The following CSMD1 variants were observed in gnomAD, a reference collection of about 807,000 sequenced individuals.
The protein encoded by CSMD1 is CUB and sushi domain-containing protein 1.
In CSMD1, 213 loss-of-function variants were observed where a neutral mutation model predicts 417.5. That is an observed-to-expected ratio of 0.51 (90% CI 0.46 to 0.57). The LOEUF is 0.57. Among genes scored for constraint, CSMD1 ranks in the 20% least tolerant of loss-of-function variants. The pLI, the probability that CSMD1 is intolerant of heterozygous loss-of-function variation, is 0.00. For synonymous variants in CSMD1, 2,862 were observed against 1,736.8 expected (o/e 1.65, Z -16.11); for missense variants, 6,923 against 4,529.7 (o/e 1.53, Z -15.17).
chr8:4,320,298 T>G (rs1397989401), intron 3 of CSMD1, among the ~76,000 whole-genome samples: 1 of 152,126 alleles, frequency 6.6e-6, no homozygotes, highest in Admixed American at 6.6e-5. Flanking sequence ...ACAAGAGTGT[T>G]CACCTTATAA....
chr8:3,855,920 G>A (rs145837981), intron 5 of CSMD1, among the ~76,000 whole-genome samples: 5 of 152,132 alleles, frequency 3.3e-5, no homozygotes, highest in Non-Finnish European at 5.9e-5. Flanking sequence ...AAATCTGTAC[G>A]GGTGAGATAA....
At chr8:4,481,649 T>C (rs1036949129) in intron 2 of CSMD1, among the ~76,000 whole-genome samples, 1 of 152,226 alleles carries the variant, frequency 6.6e-6, no homozygotes, top group Non-Finnish European at 1.5e-5. Flanking sequence ...ACCAAGAGGT[T>C]AAATACCTGA....
intron 3 of CSMD1, among the ~76,000 whole-genome samples, chr8:4,341,750 T>A (rs1394762073): frequency 6.6e-6 from 1 of 152,088 alleles, no homozygotes; most frequent in Non-Finnish European, 1.5e-5. Context: ...GCAGTTAGGG[T>A]GCATTAATAA....
intron 3 of CSMD1, among the ~76,000 whole-genome samples, chr8:4,323,346 G>A (rs1236758942): frequency 1.3e-5 from 2 of 152,136 alleles, no homozygotes; most frequent in African/African-American, 2.4e-5. Context: ...CATGAAAAGT[G>A]AGAAATATAA....
chr8:3,278,816 C>G (rs1343381954), intron 26 of CSMD1: 2 of 152,082 alleles, frequency 1.3e-5, no homozygotes, highest in Admixed American at 1.3e-4. Context: ...TGGAAAGACA[C>G]CAGCTTGATT....
At chr8:4,276,268 T>TA (rs1796480339) in intron 3 of CSMD1, among the ~76,000 whole-genome samples, 1 of 152,154 alleles carries the variant, frequency 6.6e-6, no homozygotes, top group South Asian at 2.1e-4. Flanking sequence ...ATGTGGCACA[T>TA]ATACACCACG....
chr8:3,475,585 G>C (rs965411397), intron 11 of CSMD1, among the ~76,000 whole-genome samples: 8 of 152,166 alleles, frequency 5.3e-5, no homozygotes, highest in African/African-American at 1.4e-4. Flanking sequence ...TATGAAACAA[G>C]AGAATTGTAT....
At chr8:4,884,632 A>G (rs1042104000) in intron 1 of CSMD1, among the ~76,000 whole-genome samples, 2 of 152,046 alleles carry the variant, frequency 1.3e-5, no homozygotes, top group Admixed American at 1.3e-4. Flanking sequence ...AAAGTCTATT[A>G]CTTTATTTGA....
intron 26 of CSMD1, among the ~76,000 whole-genome samples, chr8:3,236,846 A>G (rs971865438): frequency 5.3e-5 from 8 of 152,212 alleles, no homozygotes; most frequent in African/African-American, 1.9e-4. Flanking sequence ...CAACGACCCT[A>G]GAAAAAGGCA....
chr8:4,146,559 T>C (rs1804139682), intron 3 of CSMD1, among the ~76,000 whole-genome samples: 1 of 144,140 alleles, frequency 6.9e-6, no homozygotes. Context: ...GGAAGGAAGC[T>C]CCATTATTAT....
chr8:4,363,016 T>C (rs1052680434), intron 3 of CSMD1, among the ~76,000 whole-genome samples: 2 of 152,198 alleles, frequency 1.3e-5, no homozygotes, highest in African/African-American at 4.8e-5. Context: ...AGATTTTGAA[T>C]TTTCAGTATT....
At chr8:3,075,907 C>T (rs1039412602) in intron 49 of CSMD1, among the ~76,000 whole-genome samples, 28 of 150,436 alleles carry the variant, frequency 1.9e-4, no homozygotes, top group South Asian at 6.3e-4. Context: ...AAAAATTAGC[C>T]GGGCGTGGTG....
At chr8:3,978,304 A>G (rs1291439444) in intron 5 of CSMD1, among the ~76,000 whole-genome samples, 1 of 152,138 alleles carries the variant, frequency 6.6e-6, no homozygotes, top group African/African-American at 2.4e-5. Context: ...AAACCCCACA[A>G]AAACAACTGT....
At chr8:3,152,905 A>G (rs1033686017) in intron 39 of CSMD1, among the ~76,000 whole-genome samples, 11 of 152,172 alleles carry the variant, frequency 7.2e-5, no homozygotes, top group African/African-American at 2.7e-4. Context: ...CCTTTCCCTT[A>G]GGGCTCGTGG....
intron 5 of CSMD1, among the ~76,000 whole-genome samples, chr8:3,799,945 T>G (rs1449677679): frequency 6.6e-6 from 1 of 152,176 alleles, no homozygotes; most frequent in Non-Finnish European, 1.5e-5. Flanking sequence ...TTATCAATAA[T>G]GGAATAATGA....
In CSMD1 at chr8:3,926,082, T is replaced by C. The variant is rs868764612; in HGVS notation, c.818+71821A>G. On this transcript the variant is annotated intron_variant, in intron 5 of 69. Transcript: ENST00000635120. ...CACACACACACACACACAAACACCA[T>C]ACACACACACACACACACACACACA... Among the ~76,000 whole-genome samples, 77 of 103,970 alleles carry C rather than the reference T, an allele frequency of 7.4e-4. No individual in the cohort carries two copies. In the East Asian group the frequency reaches 8.0e-3, roughly 11 times the overall value. 68.2% of individuals were successfully genotyped at this position (103,970 alleles called of 152,430 possible).
intron 5 of CSMD1, among the ~76,000 whole-genome samples, chr8:3,951,872 A>C (rs1203737624): frequency 1.3e-5 from 2 of 152,064 alleles, no homozygotes; most frequent in Non-Finnish European, 2.9e-5. Context: ...TGCACATTAA[A>C]CTACATAAGC....
chr8:4,792,377 A>T (rs537324717), intron 1 of CSMD1, among the ~76,000 whole-genome samples: 2 of 152,344 alleles, frequency 1.3e-5, no homozygotes, highest in South Asian at 4.1e-4. Context: ...CTCTAGTTTC[A>T]ATTCCAGAGA....
chr8:3,186,090 T>A (rs868743618), intron 36 of CSMD1, among the ~76,000 whole-genome samples: 1 of 152,094 alleles, frequency 6.6e-6, no homozygotes, highest in African/African-American at 2.4e-5. Context: ...ATCACCTACC[T>A]GTAATGCTGT....
Sources: allele counts gnomAD v4.1 joint callset (sites outside exome capture counted in the v4.1 genomes callset), GRCh38; gene constraint gnomAD v4.1.1; transcripts MANE v1.5; gene names NCBI Gene and HGNC (gene_info 2026-07-23, HGNC 2026-07-21).